The following FSTL5 variants were observed in gnomAD, a reference collection of about 807,000 sequenced individuals.
The protein encoded by FSTL5 is follistatin like 5.
Under a neutral mutation model 89.1 loss-of-function variants are expected in FSTL5, and 62 were observed. The ratio of observed to expected loss-of-function variants is 0.70; its 90% CI spans 0.57 to 0.86. The LOEUF (loss-of-function observed/expected upper bound fraction) is 0.86. Ranked by LOEUF, FSTL5 falls within the 40% of genes least tolerant of loss-of-function variation. FSTL5 has a pLI of 0.00. For missense variants in FSTL5, 1,057 were observed against 1,001.6 expected (o/e 1.06, Z -0.75); for synonymous variants, 383 against 346.2 (o/e 1.11, Z -1.18).
intron 10 of FSTL5, among the ~76,000 whole-genome samples, chr4:161,515,924 T>C (rs1352559247): frequency 1.3e-5 from 2 of 151,788 alleles, no homozygotes; most frequent in East Asian, 1.9e-4. Flanking sequence ...ATTTGATATA[T>C]GTCAGGTTGA....
At chr4:161,965,813 A>G (rs983470778) in intron 3 of FSTL5, among the ~76,000 whole-genome samples, 7 of 152,042 alleles carry the variant, frequency 4.6e-5, no homozygotes, top group African/African-American at 1.4e-4. Flanking sequence ...GTCCCATTGT[A>G]AAGTGTTTTA....
chr4:161,995,326 A>G (rs937384877), intron 3 of FSTL5, among the ~76,000 whole-genome samples: 2 of 152,138 alleles, frequency 1.3e-5, no homozygotes, highest in Admixed American at 1.3e-4. Flanking sequence ...TTTTACAAAT[A>G]AGAAAACTGA....
chr4:162,153,746 A>ATATATGTATATATG (rs1292399922), intron 1 of FSTL5, among the ~76,000 whole-genome samples: 3 of 98,454 alleles, frequency 3.0e-5, no homozygotes, highest in Non-Finnish European at 4.1e-5. Context: ...GTATATAATA[A>ATATATGTATATATG]TATACATGTA....
At chr4:161,703,760 A>C (rs1738479704) in intron 6 of FSTL5, among the ~76,000 whole-genome samples, 1 of 152,130 alleles carries the variant, frequency 6.6e-6, no homozygotes, top group African/African-American at 2.4e-5. Context: ...ACAGTCATAA[A>C]ATTTATTAAT....
chr4:161,861,887 T>G (rs1271672118), intron 4 of FSTL5, among the ~76,000 whole-genome samples: 1 of 152,248 alleles, frequency 6.6e-6, no homozygotes, highest in Non-Finnish European at 1.5e-5. Context: ...CATTTTTCCC[T>G]TGATGCAAAT....
intron 7 of FSTL5, among the ~76,000 whole-genome samples, chr4:161,590,297 T>C (rs1000657964): frequency 3.3e-5 from 5 of 152,118 alleles, no homozygotes; most frequent in African/African-American, 4.8e-5. Context: ...CCCAACACTT[T>C]GGGGGCCAAG....
At chr4:161,760,095 C>A (rs1740733005) in intron 5 of FSTL5, among the ~76,000 whole-genome samples, 1 of 151,824 alleles carries the variant, frequency 6.6e-6, no homozygotes, top group South Asian at 2.1e-4. Context: ...AGCTATTAAG[C>A]AAATGACTGT....
intron 15 of FSTL5, among the ~76,000 whole-genome samples, chr4:161,448,235 C>G (rs1183963574): frequency 6.6e-6 from 1 of 151,990 alleles, no homozygotes; most frequent in Non-Finnish European, 1.5e-5. Context: ...AGATTTTCAT[C>G]TACAAAACAT....
At chr4:161,644,533 A>AC (rs1736078680) in intron 7 of FSTL5, among the ~76,000 whole-genome samples, 2 of 152,054 alleles carry the variant, frequency 1.3e-5, no homozygotes, top group African/African-American at 4.8e-5. Flanking sequence ...TCTCAAAAAA[A>AC]AAAAAAAGAA....
chr4:162,163,415 A>G (rs1186409875), intron 1 of FSTL5, among the ~76,000 whole-genome samples, 200 bp downstream of exon 1: 2 of 148,020 alleles, frequency 1.4e-5, no homozygotes, highest in Non-Finnish European at 3.0e-5. Flanking sequence ...AATTTAGTGC[A>G]TAATCACTAA....
In FSTL5 at chr4:161,929,287, T is replaced by A. The variant is rs946810587; in HGVS notation, c.161-8635A>T. ...GATCAGTTAACTCTAATGGTATGGGTCTGTTTCTGGGCCCTCTACTCTGTT... is the reference window on the plus strand; with the variant it reads ...GATCAGTTAACTCTAATGGTATGGGACTGTTTCTGGGCCCTCTACTCTGTT... On this transcript the variant is annotated intron_variant, in intron 3 of 15. Transcript: ENST00000306100. Among the ~76,000 whole-genome samples the A allele has an allele frequency of 3.3e-5, 5 of 150,442 alleles. No individual in the cohort carries two copies. The East Asian group carries it at 9.9e-4, about 30-fold the overall frequency.
At chr4:161,450,417 T>TTGTTTTGA (rs2126389885) in intron 15 of FSTL5, among the ~76,000 whole-genome samples, 1 of 152,356 alleles carries the variant, frequency 6.6e-6, no homozygotes, top group South Asian at 2.1e-4. Flanking sequence ...TGAGAATTAC[T>TTGTTTTGA]TGTTTTGAAG....
intron 12 of FSTL5, among the ~76,000 whole-genome samples, chr4:161,497,916 A>G (rs1293714760): frequency 6.6e-6 from 1 of 151,894 alleles, no homozygotes; most frequent in Non-Finnish European, 1.5e-5. Flanking sequence ...TTAATTTCTT[A>G]TCAGAAAATT....
At chr4:162,007,358 A>G (rs1038863397) in intron 3 of FSTL5, among the ~76,000 whole-genome samples, 6 of 151,852 alleles carry the variant, frequency 4.0e-5, no homozygotes, top group Non-Finnish European at 7.4e-5. Context: ...TACTAACATA[A>G]AGGAGCTATA....
At chr4:162,128,344 A>C (rs1732165432) in intron 1 of FSTL5, among the ~76,000 whole-genome samples, 1 of 152,170 alleles carries the variant, frequency 6.6e-6, no homozygotes, top group Non-Finnish European at 1.5e-5. Context: ...TTGAAATCCT[A>C]ACAACCAAGG....
chr4:161,545,185 G>C (rs1376221594), intron 8 of FSTL5, among the ~76,000 whole-genome samples: 1 of 152,032 alleles, frequency 6.6e-6, no homozygotes, highest in African/African-American at 2.4e-5. Context: ...ATGAGGAATG[G>C]CAGAATCAGT....
intron 4 of FSTL5, among the ~76,000 whole-genome samples, chr4:161,843,235 C>A (rs1731265969): frequency 1.3e-5 from 2 of 152,056 alleles, no homozygotes; most frequent in Non-Finnish European, 2.9e-5. Context: ...TTAGGATTGT[C>A]TTGGCTATAT....
intron 3 of FSTL5, among the ~76,000 whole-genome samples, chr4:162,028,488 A>T (rs1026452252): frequency 6.6e-6 from 1 of 152,164 alleles, no homozygotes; most frequent in Admixed American, 6.6e-5. Flanking sequence ...GAGGCAAGAG[A>T]ATCACTTGAA....
chr4:161,920,643 A>G lies in FSTL5; in HGVS notation c.170T>C (p.Ile57Thr), dbSNP rs1560917560. The G allele has an allele frequency of 2.5e-6, 4 of 1,593,648 alleles. No individual in the cohort carries two copies. In the African/African-American group the frequency reaches 5.7e-5, roughly 23 times the overall value. The stretch of plus-strand genomic sequence containing the variant: ...ACAAGATCCAAAAGGGCCATCCTGA[A>G]TCATAAATCCTGAAGAATTAAAAAA... The part of the protein sequence containing the change: ...QESSRVKGFM[I>T]QDGPFGSCEN... The change falls in exon 4 of 16, where the codon ATT becomes ACT. Residue 57 changes from isoleucine (I) to threonine (T), a missense_variant. Around this residue, in one of 3 missense-constraint regions of FSTL5, gnomAD observed 980 missense variants for 903.2 expected, o/e 1.08. Coordinates refer to ENST00000306100, the MANE Select transcript of FSTL5 (RefSeq NM_020116.5).
Sources: allele counts gnomAD v4.1 joint callset (sites outside exome capture counted in the v4.1 genomes callset), GRCh38; gene constraint gnomAD v4.1.1; regional missense constraint gnomAD v4.1.1; transcripts MANE v1.5; gene names NCBI Gene and HGNC (gene_info 2026-07-23, HGNC 2026-07-21).